The following QTMAN variants were observed in gnomAD, a reference collection of about 807,000 sequenced individuals.
The protein encoded by QTMAN is tRNA-queuosine alpha-mannosyltransferase.
At chr2:144,033,139 T>G in the QTMAN span, among the ~76,000 whole-genome samples, 1 of 152,196 alleles carries the variant, frequency 6.6e-6, no homozygotes, top group African/African-American at 2.4e-5. Context: ...CAAATGTGTG[T>G]TTTTTCTCCA....
At chr2:144,104,620 T>A in the QTMAN span, among the ~76,000 whole-genome samples, 1 of 152,212 alleles carries the variant, frequency 6.6e-6, no homozygotes, top group Admixed American at 6.5e-5. Flanking sequence ...AAGCTCGAAC[T>A]GGGTGGAGCC....
chr2:144,098,881 T>C, the QTMAN span, among the ~76,000 whole-genome samples: 9 of 151,548 alleles, frequency 5.9e-5, no homozygotes, highest in Non-Finnish European at 1.2e-4. Flanking sequence ...AGCTGAGTGC[T>C]AAGCCAAGCT....
At chr2:144,246,576 T>G in the QTMAN span, among the ~76,000 whole-genome samples, 2 of 93,886 alleles carry the variant, frequency 2.1e-5, no homozygotes, top group Admixed American at 1.4e-4. Flanking sequence ...CGAGACTCCG[T>G]CTCAAAAAAA....
the QTMAN span, among the ~76,000 whole-genome samples, chr2:143,987,377 A>T: frequency 6.6e-6 from 1 of 152,224 alleles, no homozygotes; most frequent in Non-Finnish European, 1.5e-5. Flanking sequence ...ATTCAGATTA[A>T]ATCACTATTC....
chr2:144,200,957 C>T, the QTMAN span, among the ~76,000 whole-genome samples: 1 of 152,066 alleles, frequency 6.6e-6, no homozygotes, highest in African/African-American at 2.4e-5. Flanking sequence ...CCATATTTTT[C>T]AAACTCTAAT....
chr2:143,984,544 T>C, the QTMAN span, among the ~76,000 whole-genome samples: 13 of 152,184 alleles, frequency 8.5e-5, no homozygotes, highest in African/African-American at 3.1e-4. Context: ...CTGGGTAGAA[T>C]AGGATGGTGT....
chr2:144,306,293 A>G, the QTMAN span, among the ~76,000 whole-genome samples: 1 of 152,200 alleles, frequency 6.6e-6, no homozygotes, highest in Non-Finnish European at 1.5e-5. Context: ...TGACAAAGAC[A>G]TTACAACCCT....
At chr2:144,301,369 C>A in the QTMAN span, among the ~76,000 whole-genome samples, 1 of 152,040 alleles carries the variant, frequency 6.6e-6, no homozygotes, top group African/African-American at 2.4e-5. Flanking sequence ...ACTACAGATG[C>A]GCACCACCAC....
At chr2:144,031,156 T>G in the QTMAN span, among the ~76,000 whole-genome samples, 1 of 152,128 alleles carries the variant, frequency 6.6e-6, no homozygotes, top group East Asian at 1.9e-4. Flanking sequence ...AAAGACTGAT[T>G]CACAATTGAT....
chr2:143,997,097 A>G, the QTMAN span, among the ~76,000 whole-genome samples: 6 of 152,110 alleles, frequency 3.9e-5, no homozygotes, highest in Non-Finnish European at 5.9e-5. Context: ...GAGGCAGTAC[A>G]GTAATGAAGA....
the QTMAN span, among the ~76,000 whole-genome samples, chr2:144,113,490 G>A: frequency 3.9e-5 from 6 of 152,036 alleles, no homozygotes; most frequent in Non-Finnish European, 5.9e-5. Context: ...TCTAACATTT[G>A]TGTCATTACA....
chr2:144,205,193 CAG>C, the QTMAN span, among the ~76,000 whole-genome samples: 3 of 152,040 alleles, frequency 2.0e-5, no homozygotes, highest in Non-Finnish European at 4.4e-5. Context: ...TGCAGGTGGC[CAG>C]ACTTGAACTC....
chr2:144,102,576 T>C, the QTMAN span, among the ~76,000 whole-genome samples: 1 of 152,146 alleles, frequency 6.6e-6, no homozygotes, highest in African/African-American at 2.4e-5. Context: ...GATGCTGAGG[T>C]TGCTTTGACA....
At chr2:144,197,611 T>C in the QTMAN span, among the ~76,000 whole-genome samples, 1 of 152,256 alleles carries the variant, frequency 6.6e-6, no homozygotes, top group Admixed American at 6.5e-5. Context: ...CAAATCCTTT[T>C]CACATAGATA....
the QTMAN span, among the ~76,000 whole-genome samples, chr2:144,004,905 C>T: frequency 7.9e-5 from 12 of 151,948 alleles, no homozygotes; most frequent in South Asian, 2.1e-4. Context: ...GTTTTTTGCC[C>T]GAAGGCTTTA....
chr2:144,229,868 C>T, the QTMAN span, among the ~76,000 whole-genome samples: 3 of 152,108 alleles, frequency 2.0e-5, no homozygotes, highest in Non-Finnish European at 4.4e-5. Flanking sequence ...CAGGTAGAGG[C>T]TTCCTCTGTA....
chr2:143,957,756 T>A, the QTMAN span, among the ~76,000 whole-genome samples: 1 of 152,214 alleles, frequency 6.6e-6, no homozygotes, highest in African/African-American at 2.4e-5. Flanking sequence ...AATGACGGAC[T>A]GCATTCGGAA....
the QTMAN span, among the ~76,000 whole-genome samples, chr2:144,065,339 C>T: frequency 6.6e-6 from 1 of 152,184 alleles, no homozygotes; most frequent in African/African-American, 2.4e-5. Flanking sequence ...TATAGATTCA[C>T]TCTCTACCTT....
the QTMAN span, among the ~76,000 whole-genome samples, chr2:144,005,102 C>A: frequency 6.6e-6 from 1 of 152,122 alleles, no homozygotes; most frequent in South Asian, 2.1e-4. Flanking sequence ...TAGGTAATGG[C>A]AAACAAACAG....
Sources: gnomAD v4.1 joint callset for allele counts (sites outside exome capture counted in the v4.1 genomes callset) on GRCh38, gnomAD v4.1.1 for gene constraint, MANE v1.5 for transcripts, NCBI Gene and HGNC (gene_info 2026-07-23, HGNC 2026-07-21) for gene names.